RGS7: variants seen among roughly 807,000 people sequenced by gnomAD.
The protein encoded by RGS7 is regulator of G protein signaling 7.
Under a neutral mutation model 81.1 loss-of-function variants are expected in RGS7, and 27 were observed. The observed-to-expected ratio is 0.33, with a 90% CI of 0.25 to 0.46. The LOEUF (loss-of-function observed/expected upper bound fraction) is 0.46. Among genes scored for constraint, RGS7 ranks in the 20% least tolerant of loss-of-function variants. The pLI is 1.00. For missense variants in RGS7, 396 were observed against 607.4 expected, an observed-to-expected ratio of 0.65 and a Z score of 3.66; for synonymous variants, 208 against 207.7, an observed-to-expected ratio of 1.00 and a Z score of -0.01.
intron 2 of RGS7, among the ~76,000 whole-genome samples, chr1:241,233,445 C>T (rs1457097958): frequency 6.6e-6 from 1 of 152,194 alleles, no homozygotes; most frequent in African/African-American, 2.4e-5. Context: ...GAGATCCACT[C>T]GCTAGCTCTC....
rs1203888320 is a variant in RGS7 at position 241,044,298 on chromosome 1, C to T, written c.175+54368G>A. Among the ~76,000 whole-genome samples the T allele has an allele frequency of 5.3e-5, 8 of 151,776 alleles. No homozygotes were observed. The South Asian group carries it at 1.5e-3, about 28-fold the overall frequency. ...CGCCTAATTTTTGTATTTTTAGAAA[C>T]GGGGTTTCACCAAATTGGCCAGGCT... On this transcript the variant is annotated intron_variant, in intron 3 of 18. Transcript: ENST00000440928.
intron 2 of RGS7, among the ~76,000 whole-genome samples, chr1:241,353,103 A>G (rs1394732834): frequency 6.6e-6 from 1 of 152,236 alleles, no homozygotes; most frequent in Non-Finnish European, 1.5e-5. Flanking sequence ...CTTTCTCTCC[A>G]CTGTTACTAA....
At chr1:241,222,673 C>T (rs764051419) in intron 2 of RGS7, among the ~76,000 whole-genome samples, 1 of 152,198 alleles carries the variant, frequency 6.6e-6, no homozygotes, top group Non-Finnish European at 1.5e-5. Flanking sequence ...ATGATTCTCA[C>T]ATTTTAAATG....
intron 3 of RGS7, among the ~76,000 whole-genome samples, chr1:241,086,986 A>C (rs1055150546): frequency 6.6e-6 from 1 of 151,392 alleles, no homozygotes; most frequent in African/African-American, 2.4e-5. Flanking sequence ...AATTCCACAC[A>C]CTCCTGCAGC....
intron 2 of RGS7, among the ~76,000 whole-genome samples, chr1:241,291,479 T>C (rs1342280201): frequency 1.3e-5 from 2 of 151,508 alleles, no homozygotes; most frequent in African/African-American, 4.9e-5. Flanking sequence ...TGTCCAGATA[T>C]ACTATTAATA....
chr1:241,321,868 C>CTGTT (rs2081233143), intron 2 of RGS7, among the ~76,000 whole-genome samples: 1 of 152,116 alleles, frequency 6.6e-6, no homozygotes, highest in African/African-American at 2.4e-5. Flanking sequence ...GTCCAAACCG[C>CTGTT]CGTTCTAGAA....
chr1:240,980,960 A>G (rs183440400), intron 4 of RGS7, among the ~76,000 whole-genome samples: 139 of 152,332 alleles, frequency 9.1e-4, no homozygotes, highest in Non-Finnish European at 1.8e-3. Flanking sequence ...GCAAGCAAAT[A>G]AAATCAGTTT....
chr1:241,207,248 T>TTCTCTCTCTCTCTC (rs149671121), intron 2 of RGS7, among the ~76,000 whole-genome samples: 18 of 149,910 alleles, frequency 1.2e-4, no homozygotes, highest in African/African-American at 3.4e-4. Flanking sequence ...GTTTCTTTCT[T>TTCTCTCTCTCTCTC]TCTCTCTCTC....
intron 18 of RGS7, among the ~76,000 whole-genome samples, chr1:240,777,059 C>T (rs370363099): frequency 3.3e-5 from 5 of 152,250 alleles, no homozygotes; most frequent in South Asian, 4.1e-4. Context: ...TTTTGGGAGG[C>T]TGAGGTGGGC....
intron 16 of RGS7, among the ~76,000 whole-genome samples, chr1:240,801,790 C>T (rs74534527): frequency 0.025 from 3,773 of 152,202 alleles, 64 homozygotes; most frequent in Middle Eastern, 0.075. Flanking sequence ...TATGTGAAGC[C>T]TTTATACTGA....
At chr1:240,982,049 T>A (rs1684988688) in intron 4 of RGS7, among the ~76,000 whole-genome samples, 1 of 152,184 alleles carries the variant, frequency 6.6e-6, no homozygotes, top group Admixed American at 6.5e-5. Context: ...GAATCTTCTC[T>A]GAACAATATG....
At chr1:241,328,590 C>T (rs943527800) in intron 2 of RGS7, among the ~76,000 whole-genome samples, 4 of 152,202 alleles carry the variant, frequency 2.6e-5, no homozygotes, top group Admixed American at 2.6e-4. Context: ...CTTCTGCCTG[C>T]TCACTCCTCT....
At chr1:241,008,179 A>G (rs1426284748) in intron 3 of RGS7, among the ~76,000 whole-genome samples, 1 of 152,172 alleles carries the variant, frequency 6.6e-6, no homozygotes, top group African/African-American at 2.4e-5. Context: ...TCCTTCAAAA[A>G]AGACCAAGTT....
intron 14 of RGS7, among the ~76,000 whole-genome samples, chr1:240,808,053 A>AT (rs1689191646): frequency 6.6e-6 from 1 of 151,920 alleles, no homozygotes; most frequent in Non-Finnish European, 1.5e-5. Context: ...AAAAAAAAAA[A>AT]AGGGAATACT....
At chr1:241,211,486 T>C (rs1280957619) in intron 2 of RGS7, among the ~76,000 whole-genome samples, 1 of 152,030 alleles carries the variant, frequency 6.6e-6, no homozygotes, top group Admixed American at 6.6e-5. Context: ...CAACACGAGG[T>C]GGTGGGACAA....
At chr1:241,089,112 A>T (rs1291530799) in intron 3 of RGS7, among the ~76,000 whole-genome samples, 1 of 114,536 alleles carries the variant, frequency 8.7e-6, no homozygotes, top group Non-Finnish European at 1.7e-5. Context: ...CTTAGACCTA[A>T]GGTGAGTGGG....
chr1:241,010,919 A>C (rs533043119), intron 3 of RGS7, among the ~76,000 whole-genome samples: 9 of 152,284 alleles, frequency 5.9e-5, no homozygotes, highest in African/African-American at 2.2e-4. Context: ...CCCCTCTGTC[A>C]ATATGGCCCC....
chr1:241,321,350 C>A (rs1412458115), intron 2 of RGS7, among the ~76,000 whole-genome samples: 1 of 152,104 alleles, frequency 6.6e-6, no homozygotes, highest in African/African-American at 2.4e-5. Context: ...AAAGCACAAG[C>A]AGTTTTTTTT....
At chr1:241,292,177 C>T (rs1289223364) in intron 2 of RGS7, among the ~76,000 whole-genome samples, 1 of 152,096 alleles carries the variant, frequency 6.6e-6, no homozygotes, top group Admixed American at 6.5e-5. Context: ...TCCTGAAGGA[C>T]CTTCCTGACG....
Sources: allele counts gnomAD v4.1 joint callset (sites outside exome capture counted in the v4.1 genomes callset), GRCh38; gene constraint gnomAD v4.1.1; transcripts MANE v1.5; gene names NCBI Gene and HGNC (gene_info 2026-07-23, HGNC 2026-07-21).